PCLO: variants seen among roughly 807,000 people sequenced by gnomAD.
The protein encoded by PCLO is protein piccolo.
PCLO carries 82 observed loss-of-function variants against 427.5 expected under a neutral mutation model. That is an observed-to-expected ratio of 0.19 (90% CI 0.16 to 0.23). The LOEUF (loss-of-function observed/expected upper bound fraction) is 0.23. Ranked by LOEUF, PCLO falls within the 10% of genes least tolerant of loss-of-function variation. PCLO has a pLI of 1.00. For missense variants in PCLO, 6,239 were observed against 6,115.9 expected, an observed-to-expected ratio of 1.02 and a Z score of -0.67; for synonymous variants, 2,357 against 2,155.4, an observed-to-expected ratio of 1.09 and a Z score of -2.59.
intron 22 of PCLO, among the ~76,000 whole-genome samples, chr7:82,794,460 T>TGG (rs1562789394): frequency 3.1e-5 from 1 of 32,006 alleles, no homozygotes; most frequent in Non-Finnish European, 4.5e-5. Flanking sequence ...ATTTTTTTTC[T>TGG]TTTTTTTTTT....
At chr7:82,905,998 G>A (rs1315779657) in intron 8 of PCLO, among the ~76,000 whole-genome samples, 1 of 145,418 alleles carries the variant, frequency 6.9e-6, no homozygotes, top group Non-Finnish European at 1.5e-5. Context: ...GAAGGCAGAG[G>A]TTAAGCATAT....
intron 3 of PCLO, among the ~76,000 whole-genome samples, chr7:82,997,148 A>G (rs113177789): frequency 0.022 from 3,414 of 152,048 alleles, 139 homozygotes; most frequent in African/African-American, 0.078. Flanking sequence ...TAGGACTTCA[A>G]TGAACAGACT....
chr7:82,944,435 G>C (rs1156382594), intron 6 of PCLO, among the ~76,000 whole-genome samples: 7 of 151,884 alleles, frequency 4.6e-5, no homozygotes, highest in African/African-American at 1.5e-4. Context: ...ATTTTGGTGA[G>C]GGAGGAAAGA....
intron 9 of PCLO, among the ~76,000 whole-genome samples, chr7:82,886,085 G>GA (rs1013034883): frequency 3.6e-4 from 55 of 152,168 alleles, no homozygotes; most frequent in South Asian, 8.3e-4. Context: ...ACCAAGATAT[G>GA]AAAAAAGGTG....
At chr7:82,764,791 T>C (rs1390916004) in intron 22 of PCLO, among the ~76,000 whole-genome samples, 1 of 150,498 alleles carries the variant, frequency 6.6e-6, no homozygotes, top group East Asian at 2.0e-4. Context: ...AAGTTGAAAC[T>C]ACAAAGTAAG....
intron 3 of PCLO, among the ~76,000 whole-genome samples, chr7:83,089,202 G>T (rs1790316792): frequency 6.6e-6 from 1 of 151,782 alleles, no homozygotes; most frequent in South Asian, 2.1e-4. Context: ...TTTAATTAAA[G>T]GTTAGTATTA....
intron 3 of PCLO, among the ~76,000 whole-genome samples, chr7:83,058,913 T>C (rs747852663): frequency 1.3e-5 from 2 of 152,046 alleles, no homozygotes; most frequent in African/African-American, 2.4e-5. Flanking sequence ...CAATATTCAT[T>C]TGAGCAAAAT....
At chr7:83,009,930 A>C (rs951281151) in intron 3 of PCLO, among the ~76,000 whole-genome samples, 2 of 151,916 alleles carry the variant, frequency 1.3e-5, no homozygotes, top group Non-Finnish European at 2.9e-5. Flanking sequence ...TTGAGAATAC[A>C]TTAATTTGTA....
At chr7:82,868,477 A>C (rs1246846930) in intron 10 of PCLO, among the ~76,000 whole-genome samples, 2 of 152,192 alleles carry the variant, frequency 1.3e-5, no homozygotes, top group Non-Finnish European at 2.9e-5. Flanking sequence ...GTTCATCTTT[A>C]AGAAGAAGAG....
chr7:83,062,445 A>G (rs1159668862), intron 3 of PCLO, among the ~76,000 whole-genome samples: 3 of 152,204 alleles, frequency 2.0e-5, no homozygotes, highest in African/African-American at 7.2e-5. Context: ...CATGATAAAA[A>G]TCAGTGTTTA....
At chr7:83,130,308 T>C (rs996855854) in intron 3 of PCLO, among the ~76,000 whole-genome samples, 18 of 152,164 alleles carry the variant, frequency 1.2e-4, no homozygotes, top group African/African-American at 4.1e-4. Flanking sequence ...GCTTCCTGAG[T>C]AGCTAGGACT....
At chr7:82,787,770 C>T (rs1791014738) in intron 22 of PCLO, among the ~76,000 whole-genome samples, 2 of 151,958 alleles carry the variant, frequency 1.3e-5, no homozygotes, top group Admixed American at 6.6e-5. Context: ...TTTAAAAAAA[C>T]CCTGTAAATT....
At chr7:83,051,136 T>C (rs1789243965) in intron 3 of PCLO, among the ~76,000 whole-genome samples, 1 of 152,054 alleles carries the variant, frequency 6.6e-6, no homozygotes, top group Admixed American at 6.6e-5. Flanking sequence ...TAAGACACTA[T>C]TCCCATAGGA....
At chr7:82,884,282 A>G (rs969121657) in intron 9 of PCLO, among the ~76,000 whole-genome samples, 24 of 152,294 alleles carry the variant, frequency 1.6e-4, no homozygotes, top group Admixed American at 1.3e-3. Context: ...GGCCTGCCAT[A>G]TGACTGAAAT....
intron 3 of PCLO, among the ~76,000 whole-genome samples, chr7:83,109,997 C>T (rs1297198908): frequency 6.6e-6 from 1 of 151,564 alleles, no homozygotes; most frequent in East Asian, 1.9e-4. Context: ...TTAGCCACAT[C>T]TCTGTGCTCA....
At chr7:83,017,775 A>C (rs1270506116) in intron 3 of PCLO, 1 of 152,066 alleles carries the variant, frequency 6.6e-6, no homozygotes, top group African/African-American at 2.4e-5. Context: ...AATGACAGTG[A>C]AACACATTAT....
intron 2 of PCLO, among the ~76,000 whole-genome samples, chr7:83,138,442 C>T (rs943000100): frequency 6.6e-6 from 1 of 152,096 alleles, no homozygotes; most frequent in African/African-American, 2.4e-5. Flanking sequence ...GGGCAGATCT[C>T]CTGAGGTCAG....
chr7:82,863,816 A>C (rs1350187540), intron 10 of PCLO, among the ~76,000 whole-genome samples: 1 of 152,072 alleles, frequency 6.6e-6, no homozygotes, highest in Non-Finnish European at 1.5e-5. Context: ...TATGTATACC[A>C]TCTGATTGGT....
intron 21 of PCLO, among the ~76,000 whole-genome samples, chr7:82,804,881 G>A (rs905928821): frequency 6.6e-6 from 1 of 152,124 alleles, no homozygotes; most frequent in African/African-American, 2.4e-5. Flanking sequence ...TTGCCCTGGC[G>A]TAAACCCTGG....
Sources: allele counts gnomAD v4.1 joint callset (sites outside exome capture counted in the v4.1 genomes callset), GRCh38; gene constraint gnomAD v4.1.1; transcripts MANE v1.5; gene names NCBI Gene and HGNC (gene_info 2026-07-23, HGNC 2026-07-21).